CNTNAP2: variants seen among roughly 807,000 people sequenced by gnomAD.
CNTNAP2 encodes contactin associated protein 2.
CNTNAP2 carries 98 observed loss-of-function variants against 155.2 expected under a neutral mutation model. The observed-to-expected ratio is 0.63, with a 90% CI of 0.54 to 0.75. The LOEUF (loss-of-function observed/expected upper bound fraction) is 0.75, where lower values mean the gene tolerates loss of function less well. Among genes scored for constraint, CNTNAP2 ranks in the 30% least tolerant of loss-of-function variants. CNTNAP2 has a pLI of 0.00. For missense variants in CNTNAP2, 1,727 were observed against 1,688.1 expected, an observed-to-expected ratio of 1.02 and a Z score of -0.40; for synonymous variants, 651 against 631.2, an observed-to-expected ratio of 1.03 and a Z score of -0.47.
chr7:146,307,951 G>A (rs542067801), intron 1 of CNTNAP2, among the ~76,000 whole-genome samples: 1 of 152,160 alleles, frequency 6.6e-6, no homozygotes, highest in East Asian at 1.9e-4. Context: ...CAAAAGAAAT[G>A]ACAACAAAAG....
chr7:147,173,881 G>C (rs1441126367), intron 8 of CNTNAP2, among the ~76,000 whole-genome samples: 1 of 152,164 alleles, frequency 6.6e-6, no homozygotes, highest in Non-Finnish European at 1.5e-5. Flanking sequence ...CTCTGTCACA[G>C]AATTGGGGAG....
chr7:147,132,581 T>G, intron 8 of CNTNAP2, 72 bp downstream of exon 8: 1 of 1,592,396 alleles, frequency 6.3e-7, no homozygotes, highest in East Asian at 2.2e-5. Context: ...GTGCTTTGTT[T>G]GGTTTTGCTG....
chr7:146,560,374 T>C (rs1231064130), intron 1 of CNTNAP2, among the ~76,000 whole-genome samples: 1 of 152,090 alleles, frequency 6.6e-6, no homozygotes, highest in Non-Finnish European at 1.5e-5. Context: ...TATATACATA[T>C]ATATGTGTGT....
intron 3 of CNTNAP2, among the ~76,000 whole-genome samples, chr7:146,997,736 T>A (rs547567888): frequency 7.2e-4 from 110 of 152,260 alleles, no homozygotes; most frequent in African/African-American, 2.6e-3. Context: ...TATTCAATAT[T>A]GGTCTGTTCA....
intron 3 of CNTNAP2, among the ~76,000 whole-genome samples, chr7:146,849,040 C>T (rs28434272): frequency 0.037 from 5,576 of 152,136 alleles, 336 homozygotes; most frequent in African/African-American, 0.12. Flanking sequence ...CTAGGCCTCC[C>T]AAAGTGCTGG....
chr7:146,404,483 G>C (rs1795762479), intron 1 of CNTNAP2, among the ~76,000 whole-genome samples: 1 of 152,136 alleles, frequency 6.6e-6, no homozygotes, highest in Admixed American at 6.5e-5. Flanking sequence ...TTAGACTACT[G>C]TAATAACTTC....
At chr7:146,807,204 C>A (rs767700289) in intron 2 of CNTNAP2, among the ~76,000 whole-genome samples, 1 of 151,916 alleles carries the variant, frequency 6.6e-6, no homozygotes, top group Non-Finnish European at 1.5e-5. Context: ...AGTATTTTAG[C>A]GTATTTTTAA....
At chr7:146,426,088 A>C (rs1367749274) in intron 1 of CNTNAP2, among the ~76,000 whole-genome samples, 2 of 145,540 alleles carry the variant, frequency 1.4e-5, no homozygotes, top group Non-Finnish European at 3.0e-5. Context: ...CGGGAGGCTG[A>C]GGAAGGAGAA....
intron 20 of CNTNAP2, among the ~76,000 whole-genome samples, chr7:148,254,575 G>GAC (rs1796427486): frequency 6.6e-6 from 1 of 152,000 alleles, no homozygotes; most frequent in Non-Finnish European, 1.5e-5. Flanking sequence ...AGGAGATCGA[G>GAC]ACCATCCTGG....
intron 2 of CNTNAP2, among the ~76,000 whole-genome samples, chr7:146,834,793 G>A (rs779012182): frequency 1.3e-5 from 2 of 152,042 alleles, no homozygotes; most frequent in African/African-American, 4.8e-5. Flanking sequence ...ACAATACATT[G>A]GGAACTTTTT....
intron 9 of CNTNAP2, among the ~76,000 whole-genome samples, chr7:147,357,384 C>T (rs1796081935): frequency 6.6e-6 from 1 of 152,056 alleles, no homozygotes; most frequent in African/African-American, 2.4e-5. Flanking sequence ...TGGAGCTCGG[C>T]TTCAGGAAGC....
chr7:148,277,759 T>C (rs1796898819), intron 21 of CNTNAP2, among the ~76,000 whole-genome samples: 1 of 151,172 alleles, frequency 6.6e-6, no homozygotes. Context: ...CTCCTCCTTT[T>C]CTCATAGTCT....
chr7:147,717,203 C>T (rs182452767), intron 13 of CNTNAP2, among the ~76,000 whole-genome samples: 1 of 152,116 alleles, frequency 6.6e-6, no homozygotes, highest in East Asian at 1.9e-4. Context: ...AATGAAATGT[C>T]GTATTTTTAA....
At chr7:148,033,626 G>A (rs1290032831) in intron 15 of CNTNAP2, among the ~76,000 whole-genome samples, 2 of 152,166 alleles carry the variant, frequency 1.3e-5, no homozygotes, top group Non-Finnish European at 2.9e-5. Flanking sequence ...TGCTTGGAAT[G>A]TTTTAATCTG....
chr7:147,986,782 T>A (rs926525935), intron 15 of CNTNAP2, among the ~76,000 whole-genome samples: 6 of 152,072 alleles, frequency 3.9e-5, no homozygotes, highest in Admixed American at 1.3e-4. Context: ...AGATCAATCA[T>A]CTGGAAATCT....
At chr7:147,143,048 A>G (rs1801631557) in intron 8 of CNTNAP2, among the ~76,000 whole-genome samples, 1 of 152,152 alleles carries the variant, frequency 6.6e-6, no homozygotes, top group Non-Finnish European at 1.5e-5. Flanking sequence ...ATTAAATCAC[A>G]TACTCCTCTA....
chr7:147,985,530 A>AT (rs112933262), intron 15 of CNTNAP2, among the ~76,000 whole-genome samples: 4,361 of 150,860 alleles, frequency 0.029, 205 homozygotes, highest in African/African-American at 0.1. Context: ...GAAAGCAGAG[A>AT]TAAAAAAAGG....
At chr7:148,257,431 G>C (rs1056155416) in intron 20 of CNTNAP2, among the ~76,000 whole-genome samples, 2 of 152,182 alleles carry the variant, frequency 1.3e-5, no homozygotes, top group Non-Finnish European at 2.9e-5. Context: ...TCTTCTTCTT[G>C]AGTATCTCTA....
At chr7:148,005,125 C>T (rs1425633133) in intron 15 of CNTNAP2, among the ~76,000 whole-genome samples, 1 of 152,134 alleles carries the variant, frequency 6.6e-6, no homozygotes, top group Admixed American at 6.5e-5. Flanking sequence ...ATTTGTATCT[C>T]CCAGGTCTGG....
Sources: gnomAD v4.1 joint callset for allele counts (sites outside exome capture counted in the v4.1 genomes callset) on GRCh38, gnomAD v4.1.1 for gene constraint, MANE v1.5 for transcripts, NCBI Gene and HGNC (gene_info 2026-07-23, HGNC 2026-07-21) for gene names.